The following RXFP1 variants were observed in gnomAD, a reference collection of about 807,000 sequenced individuals.
RXFP1 encodes the protein relaxin receptor 1.
In RXFP1, 73 loss-of-function variants were observed where a neutral mutation model predicts 89.8. The observed-to-expected ratio is 0.81, with a 90% CI of 0.67 to 0.99. The LOEUF is 0.99. Ranked by LOEUF, RXFP1 falls within the 50% of genes least tolerant of loss-of-function variation. The pLI, the probability that RXFP1 is intolerant of heterozygous loss-of-function variation, is 0.00. For synonymous variants in RXFP1, 277 were observed against 305.5 expected, an observed-to-expected ratio of 0.91 and a Z score of 0.97; for missense variants, 793 against 895.5, an observed-to-expected ratio of 0.89 and a Z score of 1.46.
rs537131959 is a variant in RXFP1, at chr4:158,570,587, C to G, written c.50-2111C>G. Among the ~76,000 whole-genome samples, 4 of 152,198 alleles carry G rather than the reference C, an allele frequency of 2.6e-5. No individual in the cohort carries two copies. The South Asian group carries it at 6.2e-4, about 24-fold the overall frequency. On this transcript the variant is annotated intron_variant, in intron 1 of 17. Coordinates refer to ENST00000307765, the MANE Select transcript of RXFP1 (RefSeq NM_021634.4). ...TCACTTCTCTCCTCTCCACTGGCGC[C>G]ATTCTAGACTAAGCCTCATTTGTCT...
At chr4:158,642,341 C>T (rs1448995075) in intron 14 of RXFP1, among the ~76,000 whole-genome samples, 2 of 152,080 alleles carry the variant, frequency 1.3e-5, no homozygotes, top group Admixed American at 6.6e-5. Flanking sequence ...TGAAACCATA[C>T]ATTATTGTTA....
chr4:158,573,295 A>T (rs924721490), intron 2 of RXFP1, among the ~76,000 whole-genome samples: 2 of 152,174 alleles, frequency 1.3e-5, no homozygotes, highest in African/African-American at 4.8e-5. Flanking sequence ...GGCATGAGCC[A>T]CCGTGCCCAC....
chr4:158,541,350 G>GCACACACACACAAACA (rs1553993589), intron 1 of RXFP1, among the ~76,000 whole-genome samples: 13 of 139,794 alleles, frequency 9.3e-5, no homozygotes, highest in Non-Finnish European at 1.5e-5. Context: ...AGAGCTTCAT[G>GCACACACACACAAACA]CACACACACA....
intron 10 of RXFP1, among the ~76,000 whole-genome samples, chr4:158,627,568 AAC>A (rs1473138883): frequency 6.7e-6 from 1 of 149,062 alleles, no homozygotes; most frequent in Non-Finnish European, 1.5e-5. Flanking sequence ...TCCAATATAA[AAC>A]ACATTTTTTA....
At chr4:158,610,547 A>AT (rs1345811553) in intron 6 of RXFP1, 2 of 492,150 alleles carry the variant, frequency 4.1e-6, no homozygotes, top group Admixed American at 5.4e-5. Context: ...TTAGAGAACC[A>AT]TTTTTTAAAA....
At chr4:158,612,015 G>A in intron 6 of RXFP1, 115 bp from the exon 7 acceptor site, 1 of 747,334 alleles carries the variant, frequency 1.3e-6, no homozygotes, top group Non-Finnish European at 2.2e-6. Flanking sequence ...GCAGGGAAGT[G>A]GCATGATGAG....
At chr4:158,577,730 A>C (rs1756538168) in intron 2 of RXFP1, among the ~76,000 whole-genome samples, 1 of 152,144 alleles carries the variant, frequency 6.6e-6, no homozygotes, top group Admixed American at 6.6e-5. Context: ...ATATCGCTGA[A>C]AAAAATGAAA....
In RXFP1 at chr4:158,651,899, C is replaced by T; in HGVS notation, c.2118C>T (p.Asp706=). The change falls in exon 18 of 18, where the codon GAC becomes GAT. Residue 706 remains aspartate (D), a synonymous_variant. Coordinates refer to ENST00000307765, the MANE Select transcript of RXFP1 (RefSeq NM_021634.4). ...WYNYRQRKSM[D]SKGQKTYAPS... ...ACTACAGACAAAGAAAATCTATGGA[C>T]AGCAAAGGTCAGAAAACATATGCTC... 1 of 1,614,100 alleles carries T rather than the reference C, an allele frequency of 6.2e-7. No homozygotes were observed. The highest frequency in any genetic ancestry group is 8.5e-7 in the Non-Finnish European group (1 of 1,180,016).
chr4:158,586,491 G>A (rs767855033), intron 2 of RXFP1, among the ~76,000 whole-genome samples: 49 of 151,968 alleles, frequency 3.2e-4, no homozygotes, highest in Non-Finnish European at 6.3e-4. Context: ...AGACTGCCTC[G>A]AGATAAATCA....
intron 2 of RXFP1, among the ~76,000 whole-genome samples, chr4:158,576,668 T>C (rs1330991952): frequency 6.6e-6 from 1 of 152,144 alleles, no homozygotes; most frequent in African/African-American, 2.4e-5. Flanking sequence ...TCTAACTTGC[T>C]CACAAACTCC....
chr4:158,541,005 A>C (rs897167132), intron 1 of RXFP1, among the ~76,000 whole-genome samples: 3 of 152,162 alleles, frequency 2.0e-5, no homozygotes, highest in African/African-American at 7.2e-5. Context: ...CCACCATGGC[A>C]ATCCTAAAAA....
At chr4:158,646,644 A>G in intron 15 of RXFP1, 147 bp from the exon 16 acceptor site, 1 of 1,431,958 alleles carries the variant, frequency 7.0e-7, no homozygotes. Context: ...CTCATCTGTA[A>G]ATGAATTATT....
intron 1 of RXFP1, among the ~76,000 whole-genome samples, chr4:158,542,109 A>ATATATATATTTTTTTTTT: frequency 2.8e-5 from 1 of 35,254 alleles, no homozygotes; most frequent in African/African-American, 9.3e-5. Context: ...ATATATATAT[A>ATATATATATTTTTTTTTT]TTTTTTTTTT....
At chr4:158,566,988 G>A (rs1307240863) in intron 1 of RXFP1, among the ~76,000 whole-genome samples, 1 of 152,206 alleles carries the variant, frequency 6.6e-6, no homozygotes, top group African/African-American at 2.4e-5. Flanking sequence ...GCGCTTGCAG[G>A]CCAGCGCCAG....
intron 9 of RXFP1, among the ~76,000 whole-genome samples, chr4:158,617,419 C>CAA (rs201739625): frequency 0.03 from 4,235 of 142,830 alleles, 167 homozygotes; most frequent in African/African-American, 0.085. Context: ...TAAAACATCT[C>CAA]AAAAAAAATA....
intron 17 of RXFP1, among the ~76,000 whole-genome samples, chr4:158,650,484 T>C (rs548171636): frequency 1.3e-4 from 19 of 150,850 alleles, no homozygotes; most frequent in African/African-American, 4.6e-4. Flanking sequence ...AAAATTTTCA[T>C]GTAGCAGGGC....
chr4:158,547,190 T>A (rs921020503), intron 1 of RXFP1, among the ~76,000 whole-genome samples: 8 of 152,096 alleles, frequency 5.3e-5, no homozygotes, highest in African/African-American at 1.9e-4. Flanking sequence ...GGGTGTATGT[T>A]TTGAGGAATT....
chr4:158,630,989 A>G (rs1032810119), intron 11 of RXFP1, among the ~76,000 whole-genome samples: 2 of 152,228 alleles, frequency 1.3e-5, no homozygotes, highest in South Asian at 2.1e-4. Flanking sequence ...CAACTACTCT[A>G]GTTTACAAGG....
intron 9 of RXFP1, among the ~76,000 whole-genome samples, chr4:158,621,317 AAAC>A (rs1308350142): frequency 5.9e-5 from 9 of 152,156 alleles, no homozygotes; most frequent in South Asian, 2.1e-4. Context: ...TCTCTGGAAA[AAAC>A]AACAACAACG....
Sources: gnomAD v4.1 joint callset for allele counts (sites outside exome capture counted in the v4.1 genomes callset) on GRCh38, gnomAD v4.1.1 for gene constraint, MANE v1.5 for transcripts, NCBI Gene and HGNC (gene_info 2026-07-23, HGNC 2026-07-21) for gene names.